Variants in EXOC4 observed in about 807,000 individuals in gnomAD.
EXOC4 encodes the protein exocyst complex component 4.
In EXOC4, 71 loss-of-function variants were observed where a neutral mutation model predicts 107.2. That is an observed-to-expected ratio of 0.66 (90% CI 0.55 to 0.81). EXOC4 has a LOEUF of 0.81. Among genes scored for constraint, EXOC4 ranks in the 30% least tolerant of loss-of-function variants. The pLI is 0.00. For missense variants in EXOC4, 1,108 were observed against 1,189.6 expected (o/e 0.93, Z 1.01); for synonymous variants, 456 against 441.2 (o/e 1.03, Z -0.42).
At chr7:133,487,181 A>G (rs1799283822) in intron 9 of EXOC4, among the ~76,000 whole-genome samples, 1 of 152,174 alleles carries the variant, frequency 6.6e-6, no homozygotes, top group African/African-American at 2.4e-5. Context: ...ATACAAAATA[A>G]CCATCACAAA....
chr7:133,899,113 G>T (rs1369175522), intron 12 of EXOC4, among the ~76,000 whole-genome samples: 1 of 150,246 alleles, frequency 6.7e-6, no homozygotes, highest in Non-Finnish European at 1.5e-5. Context: ...TTTAAGTAGG[G>T]CATGCCCTCT....
intron 11 of EXOC4, among the ~76,000 whole-genome samples, chr7:133,860,176 A>G (rs577917772): frequency 6.6e-6 from 1 of 152,214 alleles, no homozygotes; most frequent in Admixed American, 6.5e-5. Flanking sequence ...CTGTAGGCCA[A>G]TGCCTGTTTG....
chr7:133,604,310 C>T (rs894942755), intron 9 of EXOC4, among the ~76,000 whole-genome samples: 1 of 152,008 alleles, frequency 6.6e-6, no homozygotes, highest in Non-Finnish European at 1.5e-5. Flanking sequence ...ATACATAAAC[C>T]ATATCATAGT....
At position 133,681,020 on chromosome 7, in the gene EXOC4, T is replaced by C. The variant is rs553830840; in HGVS notation, c.1514+50879T>C. Among the ~76,000 whole-genome samples, 15 of 152,312 alleles carry C rather than the reference T, an allele frequency of 9.8e-5. No individual in the cohort carries two copies. The East Asian group carries it at 2.5e-3, about 25-fold the overall frequency. On this transcript the variant is annotated intron_variant, in intron 10 of 17. Transcript: ENST00000253861. ...GGAACCTGGTCAGTACTGTGAGGGCTCAGTTTTTGGTTGTGACTTTCAAGT... is the reference window on the plus strand; with the variant it reads ...GGAACCTGGTCAGTACTGTGAGGGCCCAGTTTTTGGTTGTGACTTTCAAGT...
At chr7:134,048,166 G>T (rs2116564814) in intron 17 of EXOC4, among the ~76,000 whole-genome samples, 1 of 152,304 alleles carries the variant, frequency 6.6e-6, no homozygotes, top group East Asian at 1.9e-4. Context: ...TGAGTGCAGG[G>T]TCTGCAAAGT....
At chr7:133,652,827 A>T (rs945754378) in intron 10 of EXOC4, among the ~76,000 whole-genome samples, 2 of 152,230 alleles carry the variant, frequency 1.3e-5, no homozygotes, top group Non-Finnish European at 2.9e-5. Flanking sequence ...GAGAAATGAA[A>T]ATAGCTTTAA....
intron 10 of EXOC4, among the ~76,000 whole-genome samples, chr7:133,753,169 C>G (rs1276482818): frequency 6.6e-6 from 1 of 152,126 alleles, no homozygotes; most frequent in Non-Finnish European, 1.5e-5. Context: ...ATGTTCTGTG[C>G]CTTTTCAGCT....
At chr7:133,409,997 A>G (rs965998957) in intron 7 of EXOC4, among the ~76,000 whole-genome samples, 12 of 152,192 alleles carry the variant, frequency 7.9e-5, no homozygotes, top group African/African-American at 2.7e-4. Context: ...TTTACCAATA[A>G]AGATTAGAGA....
chr7:133,906,189 T>C (rs1799562410), intron 12 of EXOC4, among the ~76,000 whole-genome samples: 1 of 152,234 alleles, frequency 6.6e-6, no homozygotes, highest in Admixed American at 6.5e-5. Context: ...CTAGGGACTC[T>C]GGTGGCTTCT....
At position 133,464,811 on chromosome 7, in the gene EXOC4, GTTTTT is replaced by G. The variant is rs3046149; in HGVS notation, c.1183-10496_1183-10492del. Among the ~76,000 whole-genome samples, 278 of 51,326 alleles carry G rather than the reference GTTTTT, an allele frequency of 5.4e-3. 10 individuals carry two copies. The highest frequency in any genetic ancestry group is 0.021 in the African/African-American group (252 of 12,060). 33.7% of individuals were successfully genotyped at this position (51,326 alleles called of 152,430 possible). On this transcript the variant is annotated intron_variant, in intron 7 of 17. Transcript: ENST00000253861. ...TTTTTTTTTTTTGTTGGTTGGGTTG[GTTTTT>G]TTTTTTTTTTTTTTTTTTTTGGAGT...
intron 10 of EXOC4, among the ~76,000 whole-genome samples, chr7:133,668,078 A>G (rs1380418103): frequency 1.3e-5 from 2 of 152,216 alleles, no homozygotes; most frequent in Admixed American, 6.5e-5. Flanking sequence ...TCTACAGACA[A>G]ATATAAAGTG....
intron 17 of EXOC4, among the ~76,000 whole-genome samples, chr7:134,012,955 A>C (rs1473752360): frequency 2.0e-5 from 3 of 152,170 alleles, no homozygotes; most frequent in Non-Finnish European, 2.9e-5. Context: ...TTAGCTCAAG[A>C]CAGAGAACTG....
intron 11 of EXOC4, among the ~76,000 whole-genome samples, chr7:133,846,895 A>G (rs984416917): frequency 3.3e-5 from 5 of 152,214 alleles, no homozygotes; most frequent in Non-Finnish European, 5.9e-5. Flanking sequence ...GTGGTCTCAA[A>G]TGGGTCTCAT....
intron 10 of EXOC4, among the ~76,000 whole-genome samples, chr7:133,783,088 A>G (rs548960237): frequency 6.6e-6 from 1 of 152,340 alleles, no homozygotes; most frequent in African/African-American, 2.4e-5. Flanking sequence ...AATATAATGT[A>G]TATAGCAATT....
chr7:133,366,814 C>T (rs1282438736), intron 6 of EXOC4, among the ~76,000 whole-genome samples: 1 of 152,098 alleles, frequency 6.6e-6, no homozygotes, highest in Non-Finnish European at 1.5e-5. Context: ...GAAACTCATA[C>T]CCACAGTGAG....
chr7:133,907,686 A>G (rs1454859599), intron 12 of EXOC4, among the ~76,000 whole-genome samples: 1 of 152,222 alleles, frequency 6.6e-6, no homozygotes, highest in East Asian at 1.9e-4. Context: ...TAAATATACA[A>G]ATATTAGCTG....
At chr7:133,718,060 A>G (rs1795033783) in intron 10 of EXOC4, among the ~76,000 whole-genome samples, 1 of 152,182 alleles carries the variant, frequency 6.6e-6, no homozygotes, top group African/African-American at 2.4e-5. Flanking sequence ...GATTCCATCT[A>G]AGTCTCCATT....
intron 14 of EXOC4, among the ~76,000 whole-genome samples, chr7:133,966,715 G>C (rs1801078915): frequency 6.6e-6 from 1 of 152,174 alleles, no homozygotes; most frequent in Admixed American, 6.5e-5. Flanking sequence ...TGTGCTGCTG[G>C]ATTCAGTTTG....
downstream of EXOC4, among the ~76,000 whole-genome samples, chr7:134,070,686 A>G (rs1796262227): frequency 6.6e-6 from 1 of 152,184 alleles, no homozygotes; most frequent in Non-Finnish European, 1.5e-5. Context: ...CACCTGGAGC[A>G]AGAGTCCCTG....
Sources: gnomAD v4.1 joint callset for allele counts (sites outside exome capture counted in the v4.1 genomes callset) on GRCh38, gnomAD v4.1.1 for gene constraint, MANE v1.5 for transcripts, NCBI Gene and HGNC (gene_info 2026-07-23, HGNC 2026-07-21) for gene names.